Variants in SLC25A11 observed in about 807,000 individuals in gnomAD.
SLC25A11 encodes solute carrier family 25 member 11.
A neutral mutation model predicts 32.7 loss-of-function variants in SLC25A11; 11 were observed. That is an observed-to-expected ratio of 0.34 (90% CI 0.21 to 0.56). The LOEUF is 0.56. SLC25A11 is among the 20% of genes least tolerant of loss of function. SLC25A11 has a pLI of 0.90. For missense variants in SLC25A11, 295 were observed against 426.3 expected (o/e 0.69, Z 2.71); for synonymous variants, 163 against 168.3 (o/e 0.97, Z 0.24).
rs1970550613 is a variant in SLC25A11 at position 4,939,239 on chromosome 17, G to A, written c.96-27C>T. On this transcript the variant is annotated intron_variant, in intron 1 of 7. Transcript: ENST00000225665. The surrounding 1 kb of genome is among the most constrained non-coding windows in gnomAD (Gnocchi z 4.1). Reference sequence around the variant, plus strand: ...TGGGGGAAGACAGAGGTGGAGTGAAGGGCCAGGCATTCCAGATCTACCAGT... The same window carrying A: ...TGGGGGAAGACAGAGGTGGAGTGAAAGGCCAGGCATTCCAGATCTACCAGT... 6.3e-7 allele frequency: 1 copy of A among 1,590,176 alleles called. No homozygotes were observed. Among genetic ancestry groups the A allele is most frequent in the Non-Finnish European group, 8.6e-7 (1 of 1,163,112 alleles).
chr17:4,938,089 G>A lies in SLC25A11; in HGVS notation c.738-15C>T, dbSNP rs371674257. On this transcript the variant is annotated splice_polypyrimidine_tract_variant and intron_variant, in intron 6 of 7. Transcript: ENST00000225665. This position sits in a 1 kb window ranked among gnomAD's most constrained non-coding sequence, Gnocchi z 7.6. Reference sequence around the variant, plus strand: ...TGTTCTGGATTCTGCAGGAGAGGACGCAGGGGCATGAGAGACCGAAAGGGC... The same window carrying A: ...TGTTCTGGATTCTGCAGGAGAGGACACAGGGGCATGAGAGACCGAAAGGGC... 39 of 1,613,996 alleles carry A rather than the reference G, an allele frequency of 2.4e-5. No homozygotes were observed. The Admixed American group carries it at 4.3e-4, about 18-fold the overall frequency.
Position 4,939,920 on chromosome 17 carries a change from A to G in SLC25A11, c.-10T>C, listed in dbSNP as rs1218106672. The stretch of plus-strand genomic sequence containing the variant: ...TCGCCGTCGCCGCCATCGCCACTCA[A>G]TGGCCCTCGGCTCCGGGTCCCGTGC... On this transcript the variant is annotated 5_prime_UTR_variant, in exon 1 of 8. Coordinates refer to ENST00000225665, the MANE Select transcript of SLC25A11 (RefSeq NM_003562.5). This position sits in a 1 kb window ranked among gnomAD's most constrained non-coding sequence, Gnocchi z 4.1. The G allele has an allele frequency of 1.9e-6, 3 of 1,603,402 alleles. No homozygotes were observed. Among genetic ancestry groups the G allele is most frequent in the African/African-American group, 1.3e-5 (1 of 74,266 alleles).
chr17:4,938,441 G>GGAGC lies in SLC25A11; in HGVS notation c.547-16_547-13dup, dbSNP rs1597645785. 6 of 1,614,142 alleles carry GGAGC rather than the reference G, an allele frequency of 3.7e-6. No homozygotes were observed. Among genetic ancestry groups the GGAGC allele is most frequent in the Non-Finnish European group, 5.1e-6 (6 of 1,179,988 alleles). ...GTAGGGATGCAGCCCTGGAGGGAGG[G>GGAGC]GAGCGGGGAAGAGTCAGAAACCCCT... On this transcript the variant is annotated splice_polypyrimidine_tract_variant and intron_variant, in intron 4 of 7. Coordinates refer to ENST00000225665, the MANE Select transcript of SLC25A11 (RefSeq NM_003562.5). The surrounding 1 kb of genome is among the most constrained non-coding windows in gnomAD (Gnocchi z 7.6).
Position 4,939,934 on chromosome 17 carries a change from C to A in SLC25A11, c.-24G>T. The A allele has an allele frequency of 3.1e-6, 5 of 1,587,464 alleles. No homozygotes were observed. The highest frequency in any genetic ancestry group is 4.3e-6 in the Non-Finnish European group (5 of 1,167,102). On this transcript the variant is annotated 5_prime_UTR_variant, in exon 1 of 8. Transcript: ENST00000225665. The surrounding 1 kb of genome is among the most constrained non-coding windows in gnomAD (Gnocchi z 4.1). ...ATCGCCACTCAATGGCCCTCGGCTC[C>A]GGGTCCCGTGCGCGCGCGGCCCCGC...
chr17:4,939,743 A>T lies in SLC25A11; in HGVS notation c.95+73T>A. ...CGGCACAGTTCACTGCAACAGACCC[A>T]GAGATGAACCGGGCCCGGTTCCTTT... On this transcript the variant is annotated intron_variant, in intron 1 of 7. Transcript: ENST00000225665. This position sits in a 1 kb window ranked among gnomAD's most constrained non-coding sequence, Gnocchi z 4.1. 1.7e-6 allele frequency: 2 copies of T among 1,190,208 alleles called. No homozygotes were observed. The highest frequency in any genetic ancestry group is 2.5e-6 in the Non-Finnish European group (2 of 811,226). The allele number at this position is 1,190,208 out of a possible 1,614,324, so 73.7% of individuals were successfully genotyped here. A position where few individuals can be genotyped will look rare whatever the true frequency, so the allele number is the denominator to read the frequency against.
chr17:4,937,985 C>T (rs1287925689), intron 7 of SLC25A11, 38 bp downstream of exon 7: 3 of 1,613,294 alleles, frequency 1.9e-6, no homozygotes, highest in Non-Finnish European at 2.5e-6. Context: ...CCAGGGGATC[C>T]GACACCCCCT....
Position 4,939,361 on chromosome 17 carries a change from A to T in SLC25A11, c.96-149T>A. ...GGTGAGCATGTGTATAAGAGTCTAT[A>T]TGTACACCAAGTGCAACGGGTCTGA... is the stretch of plus-strand genomic sequence containing the variant. On this transcript the variant is annotated intron_variant, in intron 1 of 7. Coordinates refer to ENST00000225665, the MANE Select transcript of SLC25A11 (RefSeq NM_003562.5). This position sits in a 1 kb window ranked among gnomAD's most constrained non-coding sequence, Gnocchi z 4.1. 1.2e-6 allele frequency: 1 copy of T among 864,364 alleles called. No homozygotes were observed. The highest frequency in any genetic ancestry group is 1.7e-6 in the Non-Finnish European group (1 of 577,814). 53.5% of individuals were successfully genotyped at this position (864,364 alleles called of 1,614,324 possible).
At position 4,937,820 on chromosome 17, in the gene SLC25A11, A is replaced by G. The variant is rs760280721; in HGVS notation, c.866T>C (p.Leu289Pro). 1 of 1,614,170 alleles carries G rather than the reference A, an allele frequency of 6.2e-7. No individual in the cohort carries two copies. The highest frequency in any genetic ancestry group is 1.1e-5 in the South Asian group (1 of 91,084). The change falls in exon 8 of 8, where the codon CTG (leucine) becomes CCG (proline). Residue 289 changes from leucine to proline, a missense_variant. Physicochemically the swap from Leu to Pro is moderately conservative, Grantham distance 98 (BLOSUM62 -3). Around this residue, in one of 3 missense-constraint regions of SLC25A11, gnomAD observed 142 missense variants for 197.8 expected, o/e 0.72. Coordinates refer to ENST00000225665, the MANE Select transcript of SLC25A11 (RefSeq NM_003562.5). ...WKGFTPYYAR[L>P]GPHTVLTFIF... ...GAAGGTGAGGACGGTGTGGGGGCCC[A>G]GGCGGGCATAGTACGGCGTGAAGCC... is the stretch of plus-strand genomic sequence containing the variant.
At position 4,937,527 on chromosome 17, in the gene SLC25A11, C is replaced by A; in HGVS notation, c.*214G>T. 1 of 485,720 alleles carries A rather than the reference C, an allele frequency of 2.1e-6. No homozygotes were observed. The highest frequency in any genetic ancestry group is 3.4e-5 in the East Asian group (1 of 29,322). The allele number at this position is 485,720 out of a possible 1,614,324, so 30.1% of individuals were successfully genotyped here. Reference sequence around the variant, plus strand: ...CCAGAAATCCTCAGAAGTTTTCCAGCTCCCTGCAAGAATAGCCAAGGACAG... The same window carrying A: ...CCAGAAATCCTCAGAAGTTTTCCAGATCCCTGCAAGAATAGCCAAGGACAG... On this transcript the variant is annotated 3_prime_UTR_variant, in exon 8 of 8. Coordinates refer to ENST00000225665, the MANE Select transcript of SLC25A11 (RefSeq NM_003562.5).
rs1475571010 is a variant in SLC25A11, at chr17:4,938,725, T to G, written c.455+44A>C. ...AAAAAACTGGTCCTTTCATTCTAGA[T>G]TCGAGGGAATGGGGCTGGGGTTAGG... On this transcript the variant is annotated intron_variant, in intron 3 of 7. Transcript: ENST00000225665. This position sits in a 1 kb window ranked among gnomAD's most constrained non-coding sequence, Gnocchi z 7.6. 1.9e-6 allele frequency: 3 copies of G among 1,596,382 alleles called. No individual in the cohort carries two copies. The highest frequency in any genetic ancestry group is 2.6e-6 in the Non-Finnish European group (3 of 1,166,938).
Position 4,939,195 on chromosome 17 carries a change from A to G in SLC25A11, c.113T>C (p.Phe38Ser). The G allele has an allele frequency of 1.2e-6, 2 of 1,607,946 alleles. No homozygotes were observed. Among genetic ancestry groups the G allele is most frequent in the Non-Finnish European group, 1.7e-6 (2 of 1,174,774 alleles). ...GGLAGMGATV[F>S]VQPLDLVKNR... is the part of the protein sequence containing the mutation. ...CTTCACCAGGTCCAGGGGCTGGACA[A>G]AAACTGTAGCTCCCATCCTGGGGGA... The change falls in exon 2 of 8, where the codon TTT becomes TCT. Residue 38 changes from phenylalanine to serine, a missense_variant. Phe to Ser is a radical substitution (Grantham distance 155). Around this residue, in one of 3 missense-constraint regions of SLC25A11, gnomAD observed 104 missense variants for 121.5 expected, o/e 0.86. Coordinates refer to ENST00000225665, the MANE Select transcript of SLC25A11 (RefSeq NM_003562.5). This position sits in a 1 kb window ranked among gnomAD's most constrained non-coding sequence, Gnocchi z 4.1.
In SLC25A11 at chr17:4,937,627, G is replaced by C; in HGVS notation, c.*114C>G. ...ACAGACCAAGTCCTTTACCGCAGAG[G>C]AAGAAACCACACTGTGGAAGGGAAA... is the stretch of plus-strand genomic sequence containing the variant. On this transcript the variant is annotated 3_prime_UTR_variant, in exon 8 of 8. Transcript: ENST00000225665. 1 of 1,308,340 alleles carries C rather than the reference G, an allele frequency of 7.6e-7. No individual in the cohort carries two copies. The highest frequency in any genetic ancestry group is 1.0e-6 in the Non-Finnish European group (1 of 962,018). 81.0% of individuals were successfully genotyped at this position (1,308,340 alleles called of 1,614,324 possible). A position where few individuals can be genotyped will look rare whatever the true frequency, so the allele number is the denominator to read the frequency against.
At position 4,939,599 on chromosome 17, in the gene SLC25A11, A is replaced by G. The variant is rs901635518; in HGVS notation, c.95+217T>C. On this transcript the variant is annotated intron_variant, in intron 1 of 7. Coordinates refer to ENST00000225665, the MANE Select transcript of SLC25A11 (RefSeq NM_003562.5). This position sits in a 1 kb window ranked among gnomAD's most constrained non-coding sequence, Gnocchi z 4.1. The stretch of plus-strand genomic sequence containing the variant: ...AGCTTAGCAATGCGCTGGGAAACTC[A>G]GCTGGCCCGGCGGGGGTTGTGCAAC... The G allele has an allele frequency of 3.4e-6, 2 of 593,234 alleles. No homozygotes were observed. The highest frequency in any genetic ancestry group is 6.0e-6 in the Non-Finnish European group (2 of 336,114). 36.7% of individuals were successfully genotyped at this position (593,234 alleles called of 1,614,324 possible).
At position 4,939,942 on chromosome 17, in the gene SLC25A11, G is replaced by T. The variant is rs747589726; in HGVS notation, c.-32C>A. ...TCAATGGCCCTCGGCTCCGGGTCCC[G>T]TGCGCGCGCGGCCCCGCTCGCGCCC... On this transcript the variant is annotated 5_prime_UTR_variant, in exon 1 of 8. Transcript: ENST00000225665. The surrounding 1 kb of genome is among the most constrained non-coding windows in gnomAD (Gnocchi z 4.1). The T allele has an allele frequency of 6.4e-7, 1 of 1,559,694 alleles. No homozygotes were observed. The highest frequency in any genetic ancestry group is 1.1e-5 in the South Asian group (1 of 87,132).
At position 4,940,029 on chromosome 17, in the gene SLC25A11, C is replaced by G. The variant is rs1970623074; in HGVS notation, c.-119G>C. ...CGCACGCCCCTCCAGCTCTCAGGTC[C>G]GACACCCGCTGGAAGCCGGCGCGGG... On this transcript the variant is annotated 5_prime_UTR_variant, in exon 1 of 8. Transcript: ENST00000225665. 8.0e-6 allele frequency: 5 copies of G among 625,634 alleles called. No homozygotes were observed. In the South Asian group the frequency reaches 1.1e-4, roughly 14 times the overall value. The allele number at this position is 625,634 out of a possible 1,614,324, so 38.8% of individuals were successfully genotyped here.
In SLC25A11 at chr17:4,937,883, T is replaced by C. The variant is rs1215092416; in HGVS notation, c.803A>G (p.Lys268Arg). Reference protein sequence around the residue: ...EYKNGLDVLFKVVRYEGFFSL... With the variant: ...EYKNGLDVLFRVVRYEGFFSL... ...GAAGAAGCCCTCGTAGCGGACAACT[T>C]TGAACAGCACGTCCTAGACACAGAC... is the stretch of plus-strand genomic sequence containing the variant. The change falls in exon 8 of 8, where the codon AAA becomes AGA. Residue 268 changes from lysine to arginine, a missense_variant. Around this residue, in one of 3 missense-constraint regions of SLC25A11, gnomAD observed 142 missense variants for 197.8 expected, o/e 0.72. Transcript: ENST00000225665. The C allele has an allele frequency of 6.2e-7, 1 of 1,613,626 alleles. No individual in the cohort carries two copies. Among genetic ancestry groups the C allele is most frequent in the Non-Finnish European group, 8.5e-7 (1 of 1,179,742 alleles).
chr17:4,937,508 A>C lies in SLC25A11; in HGVS notation c.*233T>G. The C allele has an allele frequency of 3.0e-6, 1 of 328,116 alleles. No homozygotes were observed. The highest frequency in any genetic ancestry group is 4.9e-6 in the Non-Finnish European group (1 of 204,274). The allele number at this position is 328,116 out of a possible 1,614,324, so 20.3% of individuals were successfully genotyped here. On this transcript the variant is annotated 3_prime_UTR_variant, in exon 8 of 8. Transcript: ENST00000225665. ...ACTAAAACCCAGGGGGAGGCCAGAAATCCTCAGAAGTTTTCCAGCTCCCTG... is the reference window on the plus strand; with the variant it reads ...ACTAAAACCCAGGGGGAGGCCAGAACTCCTCAGAAGTTTTCCAGCTCCCTG...
In SLC25A11 at chr17:4,939,803, G is replaced by T; in HGVS notation, c.95+13C>A. The T allele has an allele frequency of 2.5e-6, 4 of 1,606,290 alleles. No individual in the cohort carries two copies. The highest frequency in any genetic ancestry group is 3.4e-6 in the Non-Finnish European group (4 of 1,174,980). Reference sequence around the variant, plus strand: ...CTTCCTCCTCTTTTCCCATCCCTGGGGCCTGAGCTTACCCGGCCAGGCCCC... The same window carrying T: ...CTTCCTCCTCTTTTCCCATCCCTGGTGCCTGAGCTTACCCGGCCAGGCCCC... On this transcript the variant is annotated intron_variant, in intron 1 of 7. Coordinates refer to ENST00000225665, the MANE Select transcript of SLC25A11 (RefSeq NM_003562.5). This position sits in a 1 kb window ranked among gnomAD's most constrained non-coding sequence, Gnocchi z 4.1.
rs2151111885 is a variant in SLC25A11 at position 4,938,924 on chromosome 17, G to A, written c.300C>T (p.Gly100=). ...RQATYTTTRL[G]IYTVLFERLT... Reference sequence around the variant, plus strand: ...GGCGCTCAAACAGCACGGTATAGATGCCAAGGCGGGTAGTGGTGTAGGTGG... The same window carrying A: ...GGCGCTCAAACAGCACGGTATAGATACCAAGGCGGGTAGTGGTGTAGGTGG... The change falls in exon 3 of 8, where the codon GGC becomes GGT. Residue 100 remains glycine, a synonymous_variant. Coordinates refer to ENST00000225665, the MANE Select transcript of SLC25A11 (RefSeq NM_003562.5). The surrounding 1 kb of genome is among the most constrained non-coding windows in gnomAD (Gnocchi z 7.6). The A allele has an allele frequency of 6.2e-7, 1 of 1,614,118 alleles. No homozygotes were observed. The highest frequency in any genetic ancestry group is 1.7e-5 in the Admixed American group (1 of 60,020).
Sources: gnomAD v4.1 joint callset for allele counts on GRCh38, gnomAD v4.1.1 for gene constraint, gnomAD v4.1.1 regional missense constraint, Gnocchi (gnomAD v3.1) non-coding constraint, MANE v1.5 for transcripts, NCBI Gene and HGNC (gene_info 2026-07-23, HGNC 2026-07-21) for gene names.